The following APPBP2 variants were observed in gnomAD, a reference collection of about 807,000 sequenced individuals.
APPBP2 encodes the protein amyloid beta precursor protein binding protein 2.
Under a neutral mutation model 76.0 loss-of-function variants are expected in APPBP2, and 15 were observed. The ratio of observed to expected loss-of-function variants is 0.20; its 90% CI spans 0.13 to 0.30. APPBP2 has a LOEUF of 0.30. Ranked by LOEUF, APPBP2 falls within the 10% of genes least tolerant of loss-of-function variation. The pLI, the probability that APPBP2 is intolerant of heterozygous loss-of-function variation, is 1.00. For synonymous variants in APPBP2, 222 were observed against 242.2 expected (o/e 0.92, Z 0.77); for missense variants, 401 against 687.2 (o/e 0.58, Z 4.66).
At chr17:60,512,988 C>T (rs1312839843) in intron 1 of APPBP2, among the ~76,000 whole-genome samples, 1 of 144,550 alleles carries the variant, frequency 6.9e-6, no homozygotes, top group Non-Finnish European at 1.5e-5. Flanking sequence ...CCCTGGGAGC[C>T]TATTCAAAAG....
chr17:60,520,040 C>T (rs2090996231), intron 1 of APPBP2, among the ~76,000 whole-genome samples: 1 of 151,800 alleles, frequency 6.6e-6, no homozygotes, highest in Non-Finnish European at 1.5e-5. Flanking sequence ...CCCACCATGG[C>T]CCCAAAGTGC....
chr17:60,475,909 A>G (rs1029892395), intron 4 of APPBP2, among the ~76,000 whole-genome samples: 3 of 152,178 alleles, frequency 2.0e-5, no homozygotes, highest in African/African-American at 7.2e-5. Context: ...ACCTTAAACA[A>G]ACCATGCTCA....
At chr17:60,499,904 G>A (rs924125526) in intron 2 of APPBP2, among the ~76,000 whole-genome samples, 10 of 152,126 alleles carry the variant, frequency 6.6e-5, no homozygotes, top group African/African-American at 2.4e-4. Context: ...ACAGGATAAG[G>A]GAAAGAGAGA....
intron 3 of APPBP2, among the ~76,000 whole-genome samples, chr17:60,489,064 T>C (rs765991436): frequency 3.3e-5 from 5 of 150,250 alleles, no homozygotes; most frequent in Non-Finnish European, 7.4e-5. Context: ...CTACTAAAAA[T>C]ACAAAAAATT....
At chr17:60,490,641 G>C (rs1598362474) in intron 3 of APPBP2, among the ~76,000 whole-genome samples, 1 of 152,284 alleles carries the variant, frequency 6.6e-6, no homozygotes, top group Non-Finnish European at 1.5e-5. Context: ...GTTTGGCTCT[G>C]TGTCCCCACA....
At chr17:60,516,000 A>AC (rs2143494848) in intron 1 of APPBP2, among the ~76,000 whole-genome samples, 1 of 152,296 alleles carries the variant, frequency 6.6e-6, no homozygotes, top group South Asian at 2.1e-4. Flanking sequence ...ACCCGTCTCT[A>AC]CCAAAAATAT....
intron 4 of APPBP2, among the ~76,000 whole-genome samples, chr17:60,472,218 C>G (rs2090557732): frequency 6.6e-6 from 1 of 152,156 alleles, no homozygotes; most frequent in African/African-American, 2.4e-5. Context: ...TCTGCAATTT[C>G]CTGGAGGAGT....
chr17:60,473,570 T>A (rs73326497), intron 4 of APPBP2, among the ~76,000 whole-genome samples: 1 of 152,070 alleles, frequency 6.6e-6, no homozygotes, highest in African/African-American at 2.4e-5. Context: ...AGCCCAGTAT[T>A]TTGGGAGGCC....
At position 60,461,983 on chromosome 17, in the gene APPBP2, T is replaced by C. The variant is rs1203838844; in HGVS notation, c.830+11A>G. 2 of 1,611,442 alleles carry C rather than the reference T, an allele frequency of 1.2e-6. No individual in the cohort carries two copies. Among genetic ancestry groups the C allele is most frequent in the East Asian group, 2.2e-5 (1 of 44,770 alleles). On this transcript the variant is annotated intron_variant, in intron 7 of 12. Transcript: ENST00000083182. ...CAATTTAAAAGGATATTTTTAATAA[T>C]AATCACCTACCGTGCCAAATACACT...
intron 10 of APPBP2, 151 bp downstream of exon 10, chr17:60,456,145 A>G (rs2090429740): frequency 3.4e-6 from 2 of 584,792 alleles, no homozygotes; most frequent in East Asian, 5.9e-5. Context: ...CCTTAAGTAG[A>G]GTTGTGGTAA....
chr17:60,452,919 G>C (rs2090406032), intron 11 of APPBP2, among the ~76,000 whole-genome samples: 1 of 152,072 alleles, frequency 6.6e-6, no homozygotes, highest in Non-Finnish European at 1.5e-5. Context: ...GGACAACAGA[G>C]TAAGAACCCA....
chr17:60,477,220 T>A (rs1000828395), intron 4 of APPBP2, among the ~76,000 whole-genome samples: 3 of 152,196 alleles, frequency 2.0e-5, no homozygotes, highest in Non-Finnish European at 4.4e-5. Context: ...ACTTGTCTTG[T>A]GAGAAAACTA....
At chr17:60,474,611 T>C (rs1296996028) in intron 4 of APPBP2, among the ~76,000 whole-genome samples, 1 of 152,236 alleles carries the variant, frequency 6.6e-6, no homozygotes, top group African/African-American at 2.4e-5. Flanking sequence ...TGAGTATCCT[T>C]ATTTGAAATG....
At chr17:60,519,989 G>T (rs1473299456) in intron 1 of APPBP2, among the ~76,000 whole-genome samples, 1 of 151,558 alleles carries the variant, frequency 6.6e-6, no homozygotes, top group Non-Finnish European at 1.5e-5. Context: ...TCACTATGTT[G>T]CCCAGGCTGG....
chr17:60,453,249 T>A (rs79109628), intron 11 of APPBP2, among the ~76,000 whole-genome samples: 2,283 of 152,202 alleles, frequency 0.015, 49 homozygotes, highest in African/African-American at 0.051. Flanking sequence ...GGAGTGCAGA[T>A]CTCGGCTCAC....
In APPBP2 at chr17:60,454,505, G is replaced by T; in HGVS notation, c.1148-13C>A. Reference sequence around the variant, plus strand: ...TCTAAAATAAGTGCTAAAAAAGAAGGCAATAAATTAGTGTACTTCAAAACC... The same window carrying T: ...TCTAAAATAAGTGCTAAAAAAGAAGTCAATAAATTAGTGTACTTCAAAACC... On this transcript the variant is annotated splice_polypyrimidine_tract_variant and intron_variant, in intron 10 of 12. Transcript: ENST00000083182. 6.4e-7 allele frequency: 1 copy of T among 1,559,336 alleles called. No individual in the cohort carries two copies.
chr17:60,455,084 A>G (rs987645702), intron 10 of APPBP2, among the ~76,000 whole-genome samples: 2 of 152,214 alleles, frequency 1.3e-5, no homozygotes, highest in African/African-American at 4.8e-5. Context: ...ACACAAAGGT[A>G]AGAAAAAGAG....
intron 12 of APPBP2, among the ~76,000 whole-genome samples, chr17:60,448,932 C>G (rs2090370635): frequency 6.6e-6 from 1 of 152,004 alleles, no homozygotes; most frequent in African/African-American, 2.4e-5. Context: ...ATTTCGCATA[C>G]TCAAAAAAAT....
At chr17:60,486,268 C>T (rs1003177116) in intron 3 of APPBP2, among the ~76,000 whole-genome samples, 2 of 152,124 alleles carry the variant, frequency 1.3e-5, no homozygotes, top group Non-Finnish European at 2.9e-5. Flanking sequence ...CCTTCTGTCT[C>T]ATTGATCTGT....
Sources: gnomAD v4.1 joint callset for allele counts (sites outside exome capture counted in the v4.1 genomes callset) on GRCh38, gnomAD v4.1.1 for gene constraint, MANE v1.5 for transcripts, NCBI Gene and HGNC (gene_info 2026-07-23, HGNC 2026-07-21) for gene names.